The following ZC3H18 variants were observed in gnomAD, a reference collection of about 807,000 sequenced individuals.
ZC3H18 encodes the protein zinc finger CCCH domain-containing protein 18.
ZC3H18 carries 8 observed loss-of-function variants against 106.1 expected under a neutral mutation model. The observed-to-expected ratio is 0.08, with a 90% CI of 0.04 to 0.14. The LOEUF is 0.14. Among genes scored for constraint, ZC3H18 ranks in the 10% least tolerant of loss-of-function variants. The pLI is 1.00. For synonymous variants in ZC3H18, 635 were observed against 522.1 expected, an observed-to-expected ratio of 1.22 and a Z score of -2.95; for missense variants, 1,318 against 1,278.4, an observed-to-expected ratio of 1.03 and a Z score of -0.47.
chr16:88,625,483 A>C, intron 13 of ZC3H18: 2 of 598,136 alleles, frequency 3.3e-6, no homozygotes, highest in East Asian at 3.0e-5. Context: ...CCCCACCAAA[A>C]AAAGATTCAC....
chr16:88,619,819 C>T (rs1905849921), intron 8 of ZC3H18, among the ~76,000 whole-genome samples: 1 of 152,140 alleles, frequency 6.6e-6, no homozygotes, highest in Admixed American at 6.5e-5. Flanking sequence ...GTTGGAAGGG[C>T]CGCGCTGTCC....
At chr16:88,593,037 G>A (rs1915843645) in intron 3 of ZC3H18, among the ~76,000 whole-genome samples, 1 of 152,196 alleles carries the variant, frequency 6.6e-6, no homozygotes, top group African/African-American at 2.4e-5. Context: ...CACAGTAAGA[G>A]ATTAACAACA....
rs537004552 is a variant in ZC3H18, at chr16:88,577,216, C to T, written c.93C>T (p.Asp31=). The change falls in exon 2 of 18, where the codon GAC becomes GAT. Residue 31 remains aspartate (D), a synonymous_variant. Transcript: ENST00000301011. ...TCTCGGACGATGACATTCTGAGGGA[C>T]AGCGGGTCCGATCAGGATTTGGACG... ...QGLSDDDILR[D]SGSDQDLDGA... The T allele has an allele frequency of 1.9e-5, 30 of 1,612,916 alleles. No homozygotes were observed. The highest frequency in any genetic ancestry group is 3.3e-4 in the Middle Eastern group (2 of 6,058).
intron 2 of ZC3H18, among the ~76,000 whole-genome samples, chr16:88,579,540 T>C (rs973206554): frequency 1.3e-5 from 2 of 152,160 alleles, no homozygotes; most frequent in African/African-American, 2.4e-5. Context: ...TGCCGCACCA[T>C]GGGCGCGGGC....
At chr16:88,572,309 A>G (rs1914458163) in intron 1 of ZC3H18, among the ~76,000 whole-genome samples, 1 of 152,158 alleles carries the variant, frequency 6.6e-6, no homozygotes, top group Admixed American at 6.6e-5. Flanking sequence ...CTTTATTATT[A>G]CTATTATTTT....
intron 8 of ZC3H18, among the ~76,000 whole-genome samples, chr16:88,615,729 C>T (rs1296423113): frequency 6.6e-6 from 1 of 152,122 alleles, no homozygotes; most frequent in Non-Finnish European, 1.5e-5. Flanking sequence ...TTTATGAGTC[C>T]GTCAGCATGT....
At chr16:88,615,371 A>G (rs1905534283) in intron 8 of ZC3H18, among the ~76,000 whole-genome samples, 1 of 152,072 alleles carries the variant, frequency 6.6e-6, no homozygotes, top group Admixed American at 6.5e-5. Flanking sequence ...GCCCATCTGG[A>G]GCCCTTGCAG....
intron 7 of ZC3H18, among the ~76,000 whole-genome samples, chr16:88,610,312 G>A (rs1486348980): frequency 6.6e-6 from 1 of 152,284 alleles, no homozygotes; most frequent in South Asian, 2.1e-4. Context: ...TGAGGACCAG[G>A]TGCGGCTGTC....
intron 3 of ZC3H18, among the ~76,000 whole-genome samples, chr16:88,594,981 G>C (rs1277605632): frequency 6.6e-6 from 1 of 151,972 alleles, no homozygotes; most frequent in Non-Finnish European, 1.5e-5. Context: ...GAGAAACCTC[G>C]TTTCTACTAA....
chr16:88,621,229 AT>A (rs35374963), intron 8 of ZC3H18, among the ~76,000 whole-genome samples: 145 of 124,556 alleles, frequency 1.2e-3, no homozygotes, highest in East Asian at 1.2e-3. Context: ...TTTTGTTTTT[AT>A]TTTTTTTTTT....
intron 1 of ZC3H18, among the ~76,000 whole-genome samples, chr16:88,571,316 A>G (rs1914392714): frequency 6.6e-6 from 1 of 152,174 alleles, no homozygotes; most frequent in African/African-American, 2.4e-5. Flanking sequence ...CTTCAGACCC[A>G]TTTGGGAAAA....
rs749128519 is a variant in ZC3H18, at chr16:88,577,148, C to T, written c.25C>T (p.Arg9Trp). 1.0e-5 allele frequency: 16 copies of T among 1,573,326 alleles called. No individual in the cohort carries two copies. Among genetic ancestry groups the T allele is most frequent in the South Asian group, 4.7e-5 (4 of 85,952 alleles). ...GATGGATGTGGCCGAGAGCCCTGAA[C>T]GGGATCCTCACTCTCCAGAGGATGA... MDVAESPE[R>W]DPHSPEDEEQ... Residue 9 changes from arginine (R) to tryptophan (W), a missense_variant, in exon 2 of 18, where the codon CGG becomes TGG. Around this residue, in one of 6 missense-constraint regions of ZC3H18, gnomAD observed 346 missense variants for 269.0 expected, o/e 1.29. Transcript: ENST00000301011.
intron 3 of ZC3H18, among the ~76,000 whole-genome samples, chr16:88,597,237 C>T (rs1904488910): frequency 6.6e-6 from 1 of 152,172 alleles, no homozygotes; most frequent in South Asian, 2.1e-4. Context: ...TTAAAAATTA[C>T]TTGTCATTTT....
chr16:88,580,206 GTGTATATGTA>G (rs1471672237), intron 2 of ZC3H18, among the ~76,000 whole-genome samples: 1,481 of 61,392 alleles, frequency 0.024, 9 homozygotes, highest in South Asian at 0.028. Flanking sequence ...GTGTGTGTGT[GTGTATATGTA>G]TATGTCTCTG....
At chr16:88,629,848 G>C (rs896511054) in intron 16 of ZC3H18, among the ~76,000 whole-genome samples, 2 of 152,230 alleles carry the variant, frequency 1.3e-5, no homozygotes, top group African/African-American at 2.4e-5. Context: ...CCCAGACACA[G>C]AGAACAGGCA....
intron 1 of ZC3H18, among the ~76,000 whole-genome samples, chr16:88,574,105 C>T (rs1914584648): frequency 6.6e-6 from 1 of 152,072 alleles, no homozygotes; most frequent in Non-Finnish European, 1.5e-5. Flanking sequence ...GAACTCCTGA[C>T]CTCAGGTGAT....
At chr16:88,583,626 G>A (rs1289839249) in intron 2 of ZC3H18, among the ~76,000 whole-genome samples, 1 of 152,220 alleles carries the variant, frequency 6.6e-6, no homozygotes, top group Admixed American at 6.5e-5. Flanking sequence ...CCTCAGCCTG[G>A]TGTCCTTTAT....
At chr16:88,586,436 C>G (rs901661280) in intron 2 of ZC3H18, among the ~76,000 whole-genome samples, 164 bp from the exon 3 acceptor site, 3 of 152,156 alleles carry the variant, frequency 2.0e-5, no homozygotes. Context: ...CTGATCATCC[C>G]TGCTATGTAG....
chr16:88,587,997 C>T (rs187890259), intron 3 of ZC3H18, among the ~76,000 whole-genome samples: 4 of 152,182 alleles, frequency 2.6e-5, no homozygotes, highest in Non-Finnish European at 5.9e-5. Flanking sequence ...CCAAGTCACA[C>T]GTGCATGTGA....
Sources: gnomAD v4.1 joint callset for allele counts (sites outside exome capture counted in the v4.1 genomes callset) on GRCh38, gnomAD v4.1.1 for gene constraint, gnomAD v4.1.1 regional missense constraint, MANE v1.5 for transcripts, NCBI Gene and HGNC (gene_info 2026-07-23, HGNC 2026-07-21) for gene names.